Variants in EVC2 observed in about 807,000 individuals in gnomAD.
EVC2 encodes the protein limbin.
Under a neutral mutation model 149.3 loss-of-function variants are expected in EVC2, and 148 were observed. The ratio of observed to expected loss-of-function variants is 0.99; its 90% CI spans 0.87 to 1.14. The LOEUF is 1.14. EVC2 is among the 50% of genes most tolerant of loss of function. The pLI is 0.00. For synonymous variants in EVC2, 776 were observed against 649.9 expected (o/e 1.19, Z -2.95); for missense variants, 1,854 against 1,627.3 (o/e 1.14, Z -2.40).
chr4:5,576,594 G>T lies in EVC2; in HGVS notation c.3058-140C>A, dbSNP rs1365386951. On this transcript the variant is annotated intron_variant, in intron 17 of 21. Coordinates refer to ENST00000344408, the MANE Select transcript of EVC2 (RefSeq NM_147127.5). The surrounding 1 kb of genome is among the most constrained non-coding windows in gnomAD (Gnocchi z 4.5). ...GGTTCCCCATCCAGCTGTGCCACAT[G>T]GTGCAATGTGAGTGCACCACGATCT... 8.9e-6 allele frequency: 13 copies of T among 1,467,552 alleles called. No homozygotes were observed. In the East Asian group the frequency reaches 3.2e-4, roughly 36 times the overall value. The allele number at this position is 1,467,552 out of a possible 1,614,324, so 90.9% of individuals were successfully genotyped here.
rs1470429412 is a variant in EVC2, at chr4:5,614,190, C to T, written c.2829+1232G>A. Among the ~76,000 whole-genome samples, 1 of 152,192 alleles carries T rather than the reference C, an allele frequency of 6.6e-6. No individual in the cohort carries two copies. The highest frequency in any genetic ancestry group is 2.4e-5 in the African/African-American group (1 of 41,446). ...GAGGAGACCCTGCCTCCTCTCCTAC[C>T]TACAGTCCACCCTGCTGCCAGCCTA... is the stretch of plus-strand genomic sequence containing the variant. On this transcript the variant is annotated intron_variant, in intron 16 of 21. Transcript: ENST00000344408. The surrounding 1 kb of genome is among the most constrained non-coding windows in gnomAD (Gnocchi z 4.7).
intron 9 of EVC2, among the ~76,000 whole-genome samples, chr4:5,659,538 A>G (rs895027283): frequency 6.6e-6 from 1 of 152,088 alleles, no homozygotes; most frequent in South Asian, 2.1e-4. Context: ...GGAAGAGAGG[A>G]ATGAATTTAG....
intron 9 of EVC2, among the ~76,000 whole-genome samples, chr4:5,658,793 G>C (rs754229967): frequency 1.3e-5 from 2 of 152,260 alleles, no homozygotes; most frequent in Non-Finnish European, 2.9e-5. Flanking sequence ...TCTAAAACGA[G>C]AGAGTTGTGA....
chr4:5,679,533 T>C lies in EVC2; in HGVS notation c.870+1727A>G, dbSNP rs1162088590. Among the ~76,000 whole-genome samples the C allele has an allele frequency of 6.6e-6, 1 of 152,200 alleles. No homozygotes were observed. The highest frequency in any genetic ancestry group is 2.4e-5 in the African/African-American group (1 of 41,452). On this transcript the variant is annotated intron_variant, in intron 7 of 21. Coordinates refer to ENST00000344408, the MANE Select transcript of EVC2 (RefSeq NM_147127.5). This position sits in a 1 kb window ranked among gnomAD's most constrained non-coding sequence, Gnocchi z 5.1. ...GATTACAGGCATGAGCCACTATGCC[T>C]GGCCACTAAATTTATTTTAAAAATA...
intron 16 of EVC2, among the ~76,000 whole-genome samples, chr4:5,612,797 C>G (rs796401811): frequency 5.9e-5 from 9 of 151,786 alleles, no homozygotes; most frequent in African/African-American, 2.2e-4. Flanking sequence ...TAGCGGGCGC[C>G]TGTAGTCCCA....
At position 5,631,989 on chromosome 4, in the gene EVC2, A is replaced by G; in HGVS notation, c.1514T>C (p.Leu505Pro). The change falls in exon 11 of 22, where the codon CTG becomes CCG. Residue 505 changes from leucine (L) to proline (P), a missense_variant. Physicochemically the swap from Leu to Pro is moderately conservative, Grantham distance 98. Coordinates refer to ENST00000344408, the MANE Select transcript of EVC2 (RefSeq NM_147127.5). Reference protein sequence around the residue: ...CSNLLRTLHGLEQEHLRKSLA... With the variant: ...CSNLLRTLHGPEQEHLRKSLA... ...AGACTTCCTCAAGTGCTCCTGTTCC[A>G]GGCCATGGAGGGTCCGCAGAAGGTT... The G allele has an allele frequency of 6.2e-7, 1 of 1,614,196 alleles. No homozygotes were observed. Among genetic ancestry groups the G allele is most frequent in the South Asian group, 1.1e-5 (1 of 91,084 alleles).
intron 19 of EVC2, among the ~76,000 whole-genome samples, chr4:5,571,600 G>C (rs925602733): frequency 4.6e-5 from 7 of 152,142 alleles, no homozygotes; most frequent in Non-Finnish European, 1.0e-4. Flanking sequence ...TGAAGGAGCA[G>C]CAAGAGGAGT....
intron 9 of EVC2, among the ~76,000 whole-genome samples, chr4:5,647,154 C>G (rs1717781513): frequency 6.6e-6 from 1 of 152,136 alleles, no homozygotes; most frequent in Non-Finnish European, 1.5e-5. Context: ...GTTGTGTGAC[C>G]TGTGGCGAGG....
chr4:5,603,699 T>C (rs1714172949), intron 16 of EVC2, among the ~76,000 whole-genome samples: 1 of 152,154 alleles, frequency 6.6e-6, no homozygotes, highest in African/African-American at 2.4e-5. Context: ...TCATGAAATC[T>C]GGAAACAGTG....
At chr4:5,580,932 T>G (rs1273960117) in intron 17 of EVC2, among the ~76,000 whole-genome samples, 1 of 151,850 alleles carries the variant, frequency 6.6e-6, no homozygotes, top group East Asian at 1.9e-4. Context: ...AGTGAGTGAG[T>G]TGTAGTGAGA....
rs951663716 is a variant in EVC2 at position 5,569,869 on chromosome 4, C to T, written c.3361-1229G>A. Among the ~76,000 whole-genome samples the T allele has an allele frequency of 1.3e-5, 2 of 152,130 alleles. No homozygotes were observed. Among genetic ancestry groups the T allele is most frequent in the African/African-American group, 4.8e-5 (2 of 41,428 alleles). The stretch of plus-strand genomic sequence containing the variant: ...TACCAAAGCTCCTTCCACGTCCTGA[C>T]GCTCCCCATCCATGGCCTCCCTCCA... On this transcript the variant is annotated intron_variant, in intron 19 of 21. Transcript: ENST00000344408. The surrounding 1 kb of genome is among the most constrained non-coding windows in gnomAD (Gnocchi z 4.8).
chr4:5,650,486 G>C (rs769739023), intron 9 of EVC2, among the ~76,000 whole-genome samples: 13 of 151,404 alleles, frequency 8.6e-5, no homozygotes, highest in Admixed American at 2.0e-4. Flanking sequence ...TGGTTTATTC[G>C]TATCTCTGAG....
At chr4:5,543,123 G>C in exon 22 of EVC2, 6 of 1,289,536 alleles carry the variant, frequency 4.7e-6, no homozygotes, top group Non-Finnish European at 6.1e-6. Context: ...AAACTTGCAG[G>C]TAAGTTCTCA....
chr4:5,666,193 CT>C (rs1719270238), intron 7 of EVC2, among the ~76,000 whole-genome samples: 1 of 152,018 alleles, frequency 6.6e-6, no homozygotes, highest in Non-Finnish European at 1.5e-5. Context: ...TCCTTCCCTG[CT>C]TCTGCCTTCT....
At chr4:5,674,545 A>G (rs1577237074) in intron 7 of EVC2, among the ~76,000 whole-genome samples, 1 of 152,034 alleles carries the variant, frequency 6.6e-6, no homozygotes. Flanking sequence ...AATGCATAGG[A>G]CCCCAGCCAA....
chr4:5,658,706 G>A (rs558734606), intron 9 of EVC2, among the ~76,000 whole-genome samples: 1 of 152,186 alleles, frequency 6.6e-6, no homozygotes, highest in Non-Finnish European at 1.5e-5. Flanking sequence ...AAAACACTCA[G>A]GCCTAAGCCA....
At chr4:5,687,161 G>A (rs1301670189) in intron 5 of EVC2, among the ~76,000 whole-genome samples, 2 of 152,122 alleles carry the variant, frequency 1.3e-5, no homozygotes, top group Non-Finnish European at 2.9e-5. Flanking sequence ...GGAGGCTGAG[G>A]CAGGAGAATC....
At chr4:5,542,152 CCT>C (rs1226996640), downstream of EVC2, among the ~76,000 whole-genome samples, 2 of 152,238 alleles carry the variant, frequency 1.3e-5, no homozygotes, top group Admixed American at 6.5e-5. Flanking sequence ...ATGCCGGCAC[CCT>C]GATTTCCTGT....
intron 16 of EVC2, among the ~76,000 whole-genome samples, chr4:5,586,554 A>T (rs1364439614): frequency 3.3e-5 from 5 of 151,748 alleles, no homozygotes; most frequent in Non-Finnish European, 7.4e-5. Context: ...GATAGAACAG[A>T]CTCTTTAAGT....
Sources: gnomAD v4.1 joint callset for allele counts (sites outside exome capture counted in the v4.1 genomes callset) on GRCh38, gnomAD v4.1.1 for gene constraint, Gnocchi (gnomAD v3.1) non-coding constraint, MANE v1.5 for transcripts, NCBI Gene and HGNC (gene_info 2026-07-23, HGNC 2026-07-21) for gene names.